The following SLC71A2 variants were observed in gnomAD, a reference collection of about 807,000 sequenced individuals.
SLC71A2 encodes the protein hippocampus abundant transcript-like 1.
chr9:94,450,042 GT>G, the SLC71A2 span, among the ~76,000 whole-genome samples: 4 of 152,180 alleles, frequency 2.6e-5, no homozygotes, highest in African/African-American at 9.7e-5. Flanking sequence ...TAGACTAACG[GT>G]TGGGGGATGG....
the SLC71A2 span, among the ~76,000 whole-genome samples, chr9:94,405,500 A>AAC: frequency 1.3e-3 from 196 of 146,002 alleles, 1 homozygote; most frequent in African/African-American, 4.3e-3. Flanking sequence ...CTCCGTCTCA[A>AAC]AAAAAAAAAA....
At chr9:94,387,283 TCTA>T in the SLC71A2 span, among the ~76,000 whole-genome samples, 2 of 152,192 alleles carry the variant, frequency 1.3e-5, no homozygotes, top group Non-Finnish European at 1.5e-5. Context: ...AATCTACTGT[TCTA>T]CTAGAAATCA....
At chr9:94,397,787 G>A in the SLC71A2 span, among the ~76,000 whole-genome samples, 1 of 152,168 alleles carries the variant, frequency 6.6e-6, no homozygotes, top group Non-Finnish European at 1.5e-5. Flanking sequence ...GTGGAATTAC[G>A]GGTGTTTGGG....
At chr9:94,379,860 GC>G in the SLC71A2 span, among the ~76,000 whole-genome samples, 1 of 152,178 alleles carries the variant, frequency 6.6e-6, no homozygotes, top group African/African-American at 2.4e-5. Context: ...TGGTAAAAGT[GC>G]ATACAACCTC....
At chr9:94,433,722 T>G in the SLC71A2 span, among the ~76,000 whole-genome samples, 2 of 152,212 alleles carry the variant, frequency 1.3e-5, no homozygotes, top group Admixed American at 1.3e-4. Context: ...AATTCCCAAT[T>G]TGCCACTCTT....
At chr9:94,448,030 T>A in the SLC71A2 span, among the ~76,000 whole-genome samples, 1 of 152,244 alleles carries the variant, frequency 6.6e-6, no homozygotes, top group South Asian at 2.1e-4. Context: ...ATTCACCCAC[T>A]GAACGACACC....
chr9:94,453,448 A>T, the SLC71A2 span, among the ~76,000 whole-genome samples: 1 of 152,108 alleles, frequency 6.6e-6, no homozygotes, highest in Non-Finnish European at 1.5e-5. Flanking sequence ...ACACCCGGCC[A>T]GCCCAGTCAT....
chr9:94,449,494 T>C, the SLC71A2 span, among the ~76,000 whole-genome samples: 3 of 152,168 alleles, frequency 2.0e-5, no homozygotes, highest in African/African-American at 7.2e-5. Flanking sequence ...AAAAGAAGAA[T>C]AACATTACTA....
the SLC71A2 span, among the ~76,000 whole-genome samples, chr9:94,383,588 A>G: frequency 4.6e-5 from 7 of 152,136 alleles, no homozygotes; most frequent in African/African-American, 1.7e-4. Flanking sequence ...GAGGTTCATA[A>G]GACTTGAAAA....
the SLC71A2 span, among the ~76,000 whole-genome samples, chr9:94,435,882 C>G: frequency 1.3e-5 from 2 of 152,032 alleles, no homozygotes; most frequent in Non-Finnish European, 2.9e-5. Flanking sequence ...AACTCCTGAC[C>G]TCAGGTGATC....
chr9:94,377,754 A>G, the SLC71A2 span, among the ~76,000 whole-genome samples: 2 of 151,708 alleles, frequency 1.3e-5, no homozygotes, highest in African/African-American at 4.8e-5. Flanking sequence ...GAGATGTCAT[A>G]ATCTGAAAAA....
At chr9:94,422,493 T>C in the SLC71A2 span, among the ~76,000 whole-genome samples, 1 of 152,218 alleles carries the variant, frequency 6.6e-6, no homozygotes. Flanking sequence ...ATATATCTTT[T>C]GGTGAACATG....
At chr9:94,390,028 C>T in the SLC71A2 span, among the ~76,000 whole-genome samples, 3,430 of 152,218 alleles carry the variant, frequency 0.023, 131 homozygotes, top group African/African-American at 0.078. Context: ...TCCTGGCTAA[C>T]ACAGTGAAAC....
chr9:94,398,547 C>T, the SLC71A2 span, among the ~76,000 whole-genome samples: 1 of 152,102 alleles, frequency 6.6e-6, no homozygotes, highest in Non-Finnish European at 1.5e-5. Context: ...TAAATGGGTC[C>T]AGGTGCTGGA....
At chr9:94,406,638 A>C in the SLC71A2 span, among the ~76,000 whole-genome samples, 1 of 152,086 alleles carries the variant, frequency 6.6e-6, no homozygotes, top group South Asian at 2.1e-4. Context: ...CTCCCAAAAC[A>C]TTAGGATTAC....
chr9:94,385,500 T>C, the SLC71A2 span, among the ~76,000 whole-genome samples: 1 of 152,216 alleles, frequency 6.6e-6, no homozygotes, highest in African/African-American at 2.4e-5. Context: ...TTTTATGTTT[T>C]TAGCTCTTAT....
the SLC71A2 span, among the ~76,000 whole-genome samples, chr9:94,390,462 G>A: frequency 6.6e-6 from 1 of 150,826 alleles, no homozygotes; most frequent in Non-Finnish European, 1.5e-5. Flanking sequence ...TTTAGAGAGG[G>A]ATATGTTTGT....
chr9:94,447,427 G>A, the SLC71A2 span, among the ~76,000 whole-genome samples: 2 of 150,154 alleles, frequency 1.3e-5, no homozygotes, highest in East Asian at 1.9e-4. Flanking sequence ...TGATCCACCC[G>A]CCTCGGTCTC....
chr9:94,382,896 C>T, the SLC71A2 span, among the ~76,000 whole-genome samples: 1 of 151,988 alleles, frequency 6.6e-6, no homozygotes, highest in Non-Finnish European at 1.5e-5. Flanking sequence ...GGTTTCACCG[C>T]GCTAGCCAGG....
Sources: allele counts gnomAD v4.1 joint callset (sites outside exome capture counted in the v4.1 genomes callset), GRCh38; gene constraint gnomAD v4.1.1; transcripts MANE v1.5; gene names NCBI Gene and HGNC (gene_info 2026-07-23, HGNC 2026-07-21).